The following PTPRM variants were observed in gnomAD, a reference collection of about 807,000 sequenced individuals.
The protein encoded by PTPRM is protein tyrosine phosphatase receptor type M, also known as receptor-type tyrosine-protein phosphatase mu.
A neutral mutation model predicts 186.7 loss-of-function variants in PTPRM; 47 were observed. The observed-to-expected ratio is 0.25, with a 90% CI of 0.20 to 0.32. PTPRM has a LOEUF of 0.32. Among genes scored for constraint, PTPRM ranks in the 10% least tolerant of loss-of-function variants. The probability of loss-of-function intolerance (pLI) is 1.00; values close to 1 mark genes in which losing one functional copy is unlikely to be tolerated. For missense variants in PTPRM, 1,494 were observed against 1,865.0 expected (o/e 0.80, Z 3.66); for synonymous variants, 668 against 674.9 (o/e 0.99, Z 0.16).
At chr18:8,028,894 A>G (rs2085752427) in intron 7 of PTPRM, among the ~76,000 whole-genome samples, 2 of 152,164 alleles carry the variant, frequency 1.3e-5, no homozygotes, top group Admixed American at 1.3e-4. Context: ...ATAACATCTC[A>G]AATGCTGGCA....
intron 17 of PTPRM, among the ~76,000 whole-genome samples, chr18:8,249,615 T>C (rs759167339): frequency 1.3e-5 from 2 of 152,142 alleles, no homozygotes; most frequent in African/African-American, 2.4e-5. Context: ...TTTTCTGACC[T>C]TGGGGGAGCC....
At chr18:7,894,692 C>T (rs934741444) in intron 3 of PTPRM, among the ~76,000 whole-genome samples, 1 of 151,588 alleles carries the variant, frequency 6.6e-6, no homozygotes, top group South Asian at 2.1e-4. Flanking sequence ...GTGCATAAAA[C>T]TCAATATCCA....
chr18:7,701,650 T>C (rs77096756), intron 1 of PTPRM, among the ~76,000 whole-genome samples: 6,019 of 152,094 alleles, frequency 0.04, 406 homozygotes, highest in African/African-American at 0.14. Flanking sequence ...GAGACTATTA[T>C]GAGCTTTCAA....
intron 14 of PTPRM, among the ~76,000 whole-genome samples, chr18:8,175,776 G>A (rs148808265): frequency 0.013 from 1,984 of 152,322 alleles, 14 homozygotes; most frequent in Non-Finnish European, 0.02. Flanking sequence ...GTTGCACATA[G>A]TTTAGAATTA....
At chr18:7,893,497 C>T (rs1323897410) in intron 3 of PTPRM, among the ~76,000 whole-genome samples, 1 of 152,108 alleles carries the variant, frequency 6.6e-6, no homozygotes, top group African/African-American at 2.4e-5. Context: ...TTTGAGGAAA[C>T]AAAAATGGGG....
chr18:8,353,509 A>C lies in PTPRM; in HGVS notation c.3054+9989A>C, dbSNP rs555591694. On this transcript the variant is annotated intron_variant, in intron 23 of 32. Coordinates refer to ENST00000580170, the MANE Select transcript of PTPRM (RefSeq NM_001105244.2). The stretch of plus-strand genomic sequence containing the variant: ...GAGGTGTTGGGAGCTTATGAGGAGT[A>C]TACAGTTTGGGTGTTATGGTGGGTA... Among the ~76,000 whole-genome samples, 7 of 152,246 alleles carry C rather than the reference A, an allele frequency of 4.6e-5. No homozygotes were observed. The East Asian group carries it at 1.2e-3, about 25-fold the overall frequency.
At chr18:8,235,439 T>G (rs1403499642) in intron 14 of PTPRM, among the ~76,000 whole-genome samples, 1 of 147,832 alleles carries the variant, frequency 6.8e-6, no homozygotes, top group Non-Finnish European at 1.5e-5. Flanking sequence ...ATTTCTAATA[T>G]GAGTAATCTG....
chr18:7,758,055 C>G (rs1156376593), intron 1 of PTPRM, among the ~76,000 whole-genome samples: 1 of 152,126 alleles, frequency 6.6e-6, no homozygotes. Flanking sequence ...AACCTCACTC[C>G]CAACAATTCT....
At chr18:8,234,354 T>C (rs1015314615) in intron 14 of PTPRM, among the ~76,000 whole-genome samples, 1 of 152,194 alleles carries the variant, frequency 6.6e-6, no homozygotes, top group African/African-American at 2.4e-5. Context: ...ATGTAAATGG[T>C]ATTACGTCTT....
intron 23 of PTPRM, among the ~76,000 whole-genome samples, chr18:8,348,966 A>G (rs553846379): frequency 6.6e-6 from 1 of 152,148 alleles, no homozygotes; most frequent in Non-Finnish European, 1.5e-5. Flanking sequence ...ATGGGAAGAA[A>G]CCACCTACAT....
chr18:7,965,533 G>T (rs1405897391), intron 7 of PTPRM, among the ~76,000 whole-genome samples: 1 of 152,126 alleles, frequency 6.6e-6, no homozygotes, highest in African/African-American at 2.4e-5. Context: ...TGGATGTAAG[G>T]AATTAAAGCA....
At chr18:8,310,590 A>G (rs967464279) in intron 20 of PTPRM, among the ~76,000 whole-genome samples, 6 of 151,410 alleles carry the variant, frequency 4.0e-5, no homozygotes, top group Non-Finnish European at 5.9e-5. Flanking sequence ...TTGAGCTTCA[A>G]TGTCCCTTTA....
intron 2 of PTPRM, among the ~76,000 whole-genome samples, chr18:7,842,871 T>G (rs2046400496): frequency 9.3e-6 from 1 of 107,126 alleles, no homozygotes; most frequent in Admixed American, 1.1e-4. Flanking sequence ...CATATATATA[T>G]ATATGTTTCT....
At chr18:8,179,497 G>A (rs1446792017) in intron 14 of PTPRM, among the ~76,000 whole-genome samples, 5 of 139,358 alleles carry the variant, frequency 3.6e-5, no homozygotes, top group Admixed American at 1.5e-4. Context: ...TTTAGATGGC[G>A]CCTTGCTCTG....
At position 8,244,046 on chromosome 18, in the gene PTPRM, C is replaced by A; in HGVS notation, c.2301-12C>A. ...AAATGCATGCCTACATAATTGAATT[C>A]TTTATCCTAAGGAAACTGGCCAAGA... On this transcript the variant is annotated splice_polypyrimidine_tract_variant and intron_variant, in intron 14 of 32. Coordinates refer to ENST00000580170, the MANE Select transcript of PTPRM (RefSeq NM_001105244.2). 6.2e-7 allele frequency: 1 copy of A among 1,605,276 alleles called. No individual in the cohort carries two copies. The highest frequency in any genetic ancestry group is 8.5e-7 in the Non-Finnish European group (1 of 1,177,040).
chr18:7,947,118 A>C (rs1347369302), intron 5 of PTPRM: 1 of 411,630 alleles, frequency 2.4e-6, no homozygotes, highest in East Asian at 7.2e-5. Context: ...CATATTCCTC[A>C]GTCTCAGGTT....
chr18:8,405,296 A>T (rs2095898839), intron 32 of PTPRM: 1 of 152,246 alleles, frequency 6.6e-6, no homozygotes, highest in Non-Finnish European at 1.5e-5. Flanking sequence ...CTCCGCCTGG[A>T]ATGCCTGTTT....
chr18:7,948,653 T>C (rs2052719552), intron 5 of PTPRM, among the ~76,000 whole-genome samples: 1 of 152,202 alleles, frequency 6.6e-6, no homozygotes, highest in Admixed American at 6.5e-5. Context: ...GTTTTGTATA[T>C]CCAGGAAGAA....
At chr18:7,856,344 C>T (rs1599088559) in intron 2 of PTPRM, among the ~76,000 whole-genome samples, 1 of 152,154 alleles carries the variant, frequency 6.6e-6, no homozygotes, top group Non-Finnish European at 1.5e-5. Flanking sequence ...GCAGTTTGAA[C>T]AGAGGAAATT....
Sources: allele counts gnomAD v4.1 joint callset (sites outside exome capture counted in the v4.1 genomes callset), GRCh38; gene constraint gnomAD v4.1.1; transcripts MANE v1.5; gene names NCBI Gene and HGNC (gene_info 2026-07-23, HGNC 2026-07-21).